Variants in INSYN2B observed in about 807,000 individuals in gnomAD.
The protein encoded by INSYN2B is inhibitory synaptic factor family member 2B, also known as protein INSYN2B.
In INSYN2B, 16 loss-of-function variants were observed where a neutral mutation model predicts 41.2. The ratio of observed to expected loss-of-function variants is 0.39; its 90% confidence interval spans 0.26 to 0.59. The LOEUF is 0.59. INSYN2B is among the 20% of genes least tolerant of loss of function. INSYN2B has a pLI of 0.57. For synonymous variants in INSYN2B, 245 were observed against 244.4 expected, an observed-to-expected ratio of 1.00 and a Z score of -0.02; for missense variants, 608 against 646.4, an observed-to-expected ratio of 0.94 and a Z score of 0.64.
chr5:169,902,418 G>C (rs1773978792), intron 1 of INSYN2B, among the ~76,000 whole-genome samples: 1 of 152,222 alleles, frequency 6.6e-6, no homozygotes, highest in South Asian at 2.1e-4. Context: ...CACCACAGTA[G>C]TGAATAGTCC....
intron 1 of INSYN2B, among the ~76,000 whole-genome samples, chr5:169,953,610 C>T (rs1011959490): frequency 2.0e-5 from 3 of 152,140 alleles, no homozygotes; most frequent in Non-Finnish European, 2.9e-5. Flanking sequence ...GAGTCAGCTA[C>T]AGAGGAGACC....
At chr5:169,935,438 C>T (rs138994963) in intron 1 of INSYN2B, among the ~76,000 whole-genome samples, 1 of 152,338 alleles carries the variant, frequency 6.6e-6, no homozygotes, top group Non-Finnish European at 1.5e-5. Flanking sequence ...CAAAATCTGA[C>T]ATGCTGAACT....
chr5:169,910,043 C>T (rs1379892387), intron 1 of INSYN2B, among the ~76,000 whole-genome samples: 1 of 152,086 alleles, frequency 6.6e-6, no homozygotes, highest in African/African-American at 2.4e-5. Flanking sequence ...AACAAATTTG[C>T]CATGAGGACA....
In INSYN2B at chr5:169,862,232, G is replaced by A. The variant is rs1168427498; in HGVS notation, c.*2041C>T. ...GTATTCAAGAATGGACAAACAGGCC[G>A]GGAAATTTAAGCCATTTGCCAAAGG... On this transcript the variant is annotated 3_prime_UTR_variant, in exon 4 of 4. Coordinates refer to ENST00000377365, the MANE Select transcript of INSYN2B (RefSeq NM_001129891.3). Among the ~76,000 whole-genome samples, 7 of 152,140 alleles carry A rather than the reference G, an allele frequency of 4.6e-5. No individual in the cohort carries two copies. Among genetic ancestry groups the A allele is most frequent in the Non-Finnish European group, 8.8e-5 (6 of 68,030 alleles).
intron 3 of INSYN2B, among the ~76,000 whole-genome samples, chr5:169,871,110 A>G (rs1207802726): frequency 6.6e-6 from 1 of 152,184 alleles, no homozygotes; most frequent in African/African-American, 2.4e-5. Context: ...GAGGACTCCA[A>G]GTTCATGACC....
At chr5:169,918,989 A>G (rs1373478784) in intron 1 of INSYN2B, among the ~76,000 whole-genome samples, 2 of 152,254 alleles carry the variant, frequency 1.3e-5, no homozygotes, top group African/African-American at 4.8e-5. Context: ...AAAGACATTT[A>G]TAAACCAGTA....
chr5:169,895,282 C>T (rs1490689539), intron 1 of INSYN2B, among the ~76,000 whole-genome samples: 1 of 152,210 alleles, frequency 6.6e-6, no homozygotes, highest in Non-Finnish European at 1.5e-5. Context: ...TTCCTCCCTT[C>T]CTTTCTCTCC....
chr5:169,867,415 G>A (rs1489555808), intron 3 of INSYN2B, among the ~76,000 whole-genome samples: 3 of 93,008 alleles, frequency 3.2e-5, no homozygotes, highest in Non-Finnish European at 6.0e-5. Context: ...CTCTCTGTCT[G>A]TCTGTCTGTC....
chr5:169,874,844 C>G (rs1772220700), intron 3 of INSYN2B, among the ~76,000 whole-genome samples: 1 of 151,786 alleles, frequency 6.6e-6, no homozygotes, highest in Non-Finnish European at 1.5e-5. Context: ...TAAGCCTGGG[C>G]CCCAGAAAGG....
intron 1 of INSYN2B, among the ~76,000 whole-genome samples, chr5:169,937,337 A>T (rs575001035): frequency 6.6e-6 from 1 of 152,300 alleles, no homozygotes; most frequent in Admixed American, 6.5e-5. Flanking sequence ...TGCACCTTGG[A>T]TCTATGGTTC....
intron 1 of INSYN2B, among the ~76,000 whole-genome samples, chr5:169,952,791 T>C (rs1776713620): frequency 6.6e-6 from 1 of 152,026 alleles, no homozygotes; most frequent in South Asian, 2.1e-4. Flanking sequence ...GGGTACAGAG[T>C]TGCCACATGG....
intron 1 of INSYN2B, chr5:169,934,748 AG>A (rs1394306278): frequency 2.2e-6 from 1 of 455,708 alleles, no homozygotes; most frequent in Non-Finnish European, 4.4e-6. Context: ...TCACGGGATC[AG>A]TGCTCAGTAA....
At chr5:169,869,218 C>T (rs1771787171) in intron 3 of INSYN2B, among the ~76,000 whole-genome samples, 1 of 152,148 alleles carries the variant, frequency 6.6e-6, no homozygotes, top group South Asian at 2.1e-4. Context: ...TCCCCACCAT[C>T]TACATTCAGG....
chr5:169,928,835 T>G (rs2113674944), intron 1 of INSYN2B, among the ~76,000 whole-genome samples: 1 of 152,354 alleles, frequency 6.6e-6, no homozygotes, highest in East Asian at 1.9e-4. Flanking sequence ...AAGTAATTAC[T>G]CAGTGATGAA....
chr5:169,950,013 C>T (rs544063770), intron 1 of INSYN2B, among the ~76,000 whole-genome samples: 1 of 152,160 alleles, frequency 6.6e-6, no homozygotes. Flanking sequence ...GAGGGTTCTG[C>T]GTTTGAGGGG....
chr5:169,877,712 G>A (rs1048124680), intron 3 of INSYN2B, among the ~76,000 whole-genome samples: 2 of 152,108 alleles, frequency 1.3e-5, no homozygotes, highest in African/African-American at 4.8e-5. Context: ...GCAGAAAGTG[G>A]TGCCACAGAA....
intron 3 of INSYN2B, among the ~76,000 whole-genome samples, chr5:169,873,597 A>G (rs1249363321): frequency 6.6e-6 from 1 of 152,200 alleles, no homozygotes; most frequent in Non-Finnish European, 1.5e-5. Context: ...TCAAGAGTTC[A>G]CCTGGCTCCA....
intron 1 of INSYN2B, among the ~76,000 whole-genome samples, chr5:169,946,662 C>T (rs891388844): frequency 4.6e-4 from 70 of 152,302 alleles, no homozygotes; most frequent in African/African-American, 1.7e-3. Context: ...TAGGCCAGTT[C>T]CTAGTCTCCT....
At position 169,864,196 on chromosome 5, in the gene INSYN2B, C is replaced by A. The variant is rs1771388437; in HGVS notation, c.*77G>T. 6 of 1,283,294 alleles carry A rather than the reference C, an allele frequency of 4.7e-6. No individual in the cohort carries two copies. Among genetic ancestry groups the A allele is most frequent in the South Asian group, 1.3e-5 (1 of 77,688 alleles). The allele number at this position is 1,283,294 out of a possible 1,614,324, so 79.5% of individuals were successfully genotyped here. On this transcript the variant is annotated 3_prime_UTR_variant, in exon 4 of 4. Transcript: ENST00000377365. ...CCAGGGCCTTTGCAAAGAAGCAGGG[C>A]AGGCCTTAAGTGCAGTGGATTTCCC... is the stretch of plus-strand genomic sequence containing the variant.
Sources: gnomAD v4.1 joint callset for allele counts (sites outside exome capture counted in the v4.1 genomes callset) on GRCh38, gnomAD v4.1.1 for gene constraint, MANE v1.5 for transcripts, NCBI Gene and HGNC (gene_info 2026-07-23, HGNC 2026-07-21) for gene names.